Variants in GALNT9 observed in about 807,000 individuals in gnomAD.
GALNT9 encodes the protein GalNAc transferase 9.
Under a neutral mutation model 63.1 loss-of-function variants are expected in GALNT9, and 47 were observed. The ratio of observed to expected loss-of-function variants is 0.75; its 90% confidence interval spans 0.59 to 0.95. The LOEUF is 0.95. Ranked by LOEUF, GALNT9 falls within the 40% of genes least tolerant of loss-of-function variation. The probability of loss-of-function intolerance (pLI) is 0.00; values close to 1 mark genes in which losing one functional copy is unlikely to be tolerated. For missense variants in GALNT9, 829 were observed against 874.8 expected (o/e 0.95, Z 0.66); for synonymous variants, 396 against 365.7 (o/e 1.08, Z -0.94).
At chr12:132,203,352 GCA>G (rs1055057236) in intron 7 of GALNT9, among the ~76,000 whole-genome samples, 151 bp downstream of exon 7, 10 of 151,568 alleles carry the variant, frequency 6.6e-5, no homozygotes, top group Non-Finnish European at 7.4e-5. Flanking sequence ...ACTCACACCT[GCA>G]CACACAACTG....
In GALNT9 at chr12:132,316,789, A is replaced by G. The variant is rs1314905554; in HGVS notation, c.238+12177T>C. Among the ~76,000 whole-genome samples the G allele has an allele frequency of 1.3e-5, 2 of 152,042 alleles. No individual in the cohort carries two copies. The highest frequency in any genetic ancestry group is 2.9e-5 in the Non-Finnish European group (2 of 67,976). On this transcript the variant is annotated intron_variant, in intron 1 of 10. Coordinates refer to ENST00000328957, the MANE Select transcript of GALNT9 (RefSeq NM_001122636.2). This position sits in a 1 kb window ranked among gnomAD's most constrained non-coding sequence, Gnocchi z 4.3. ...GCTCACATGGGGTACTCGGACCCAT[A>G]GGGACATTTGGTGAGACCTGGGCAG...
intron 6 of GALNT9, among the ~76,000 whole-genome samples, chr12:132,226,549 AC>A (rs1877696256): frequency 7.0e-6 from 1 of 143,540 alleles, no homozygotes; most frequent in African/African-American, 2.6e-5. Flanking sequence ...CACAACCCAC[AC>A]CCCACTGTAT....
At chr12:132,263,918 G>C (rs1391266436) in intron 2 of GALNT9, among the ~76,000 whole-genome samples, 1 of 152,168 alleles carries the variant, frequency 6.6e-6, no homozygotes, top group Non-Finnish European at 1.5e-5. Context: ...GAGGCGTCTC[G>C]GGCCTGGCTG....
At chr12:132,290,423 G>A (rs1362753197) in intron 1 of GALNT9, among the ~76,000 whole-genome samples, 6 of 152,138 alleles carry the variant, frequency 3.9e-5, no homozygotes, top group South Asian at 2.1e-4. Context: ...TGATGGGCAC[G>A]GAGCCATTGC....
chr12:132,210,601 C>A (rs111627909), intron 6 of GALNT9, among the ~76,000 whole-genome samples: 1 of 152,086 alleles, frequency 6.6e-6, no homozygotes, highest in Admixed American at 6.5e-5. Context: ...GGTTAACTGG[C>A]GGTGAGACAC....
At chr12:132,219,898 C>T (rs1168248878) in intron 6 of GALNT9, among the ~76,000 whole-genome samples, 1 of 151,114 alleles carries the variant, frequency 6.6e-6, no homozygotes, top group Non-Finnish European at 1.5e-5. Context: ...GGGTGACACC[C>T]GCCTGGGTAA....
At chr12:132,240,089 G>C (rs1878186231) in intron 6 of GALNT9, among the ~76,000 whole-genome samples, 1 of 152,166 alleles carries the variant, frequency 6.6e-6, no homozygotes, top group African/African-American at 2.4e-5. Context: ...CTCCCCTTGG[G>C]GCCTATCAGG....
At chr12:132,283,987 A>G (rs1593103710) in intron 2 of GALNT9, 1 of 151,342 alleles carries the variant, frequency 6.6e-6, no homozygotes, top group East Asian at 1.9e-4. Flanking sequence ...AACGGTGCTC[A>G]CTCCAGCAGT....
rs1869066020 is a variant in GALNT9 at position 132,327,047 on chromosome 12, C to T, written c.238+1919G>A. On this transcript the variant is annotated intron_variant, in intron 1 of 10. Coordinates refer to ENST00000328957, the MANE Select transcript of GALNT9 (RefSeq NM_001122636.2). This position sits in a 1 kb window ranked among gnomAD's most constrained non-coding sequence, Gnocchi z 4.3. ...GCTGGTCACAGAGAGGAACGCAGCA[C>T]AGCCTCATCACAGAGGGGGACGAAA... is the stretch of plus-strand genomic sequence containing the variant. Among the ~76,000 whole-genome samples, 1 of 152,144 alleles carries T rather than the reference C, an allele frequency of 6.6e-6. No homozygotes were observed. Among genetic ancestry groups the T allele is most frequent in the African/African-American group, 2.4e-5 (1 of 41,426 alleles).
In GALNT9 at chr12:132,197,119, G is replaced by T. The variant is rs111344752; in HGVS notation, c.1800C>A (p.His600Gln). 6.2e-7 allele frequency: 1 copy of T among 1,614,138 alleles called. No homozygotes were observed. The highest frequency in any genetic ancestry group is 8.5e-7 in the Non-Finnish European group (1 of 1,180,018). Reference protein sequence around the residue: ...QKWMIRNWIKHARH With the variant: ...QKWMIRNWIKQARH ...GGCGGAGGTGGGGTCAGTGCCGTGC[G>T]TGTTTGATCCAGTTTCTGATCATCC... Residue 600 changes from histidine to glutamine, a missense_variant, in exon 11 of 11, where the codon CAC (histidine) becomes CAA (glutamine). Physicochemically the swap from His to Gln is conservative, Grantham distance 24. Transcript: ENST00000328957.
At chr12:132,219,698 G>A (rs576470851) in intron 6 of GALNT9, among the ~76,000 whole-genome samples, 25 of 145,636 alleles carry the variant, frequency 1.7e-4, no homozygotes, top group South Asian at 6.7e-4. Context: ...ACACCCGCCC[G>A]GGTAAGGGGA....
At chr12:132,222,841 C>A (rs1241121359) in intron 6 of GALNT9, among the ~76,000 whole-genome samples, 1 of 149,850 alleles carries the variant, frequency 6.7e-6, no homozygotes, top group Non-Finnish European at 1.5e-5. Context: ...CCTACACAAC[C>A]CGCACACCAC....
At chr12:132,251,925 G>T (rs1022010378) in intron 5 of GALNT9, among the ~76,000 whole-genome samples, 1 of 152,040 alleles carries the variant, frequency 6.6e-6, no homozygotes, top group South Asian at 2.1e-4. Context: ...CAGCAGCCCC[G>T]ATGAGAGCCA....
intron 1 of GALNT9, among the ~76,000 whole-genome samples, chr12:132,288,712 C>G (rs112259496): frequency 0.054 from 5,559 of 102,944 alleles, 343 homozygotes; most frequent in African/African-American, 0.18. Context: ...GGCTGAGCGT[C>G]GTTCTGGACG....
intron 6 of GALNT9, among the ~76,000 whole-genome samples, chr12:132,211,030 G>A (rs28720906): frequency 0.035 from 5,364 of 152,126 alleles, 298 homozygotes; most frequent in African/African-American, 0.12. Context: ...GCCTGCCGCC[G>A]GCCTCAGTCC....
intron 2 of GALNT9, among the ~76,000 whole-genome samples, chr12:132,266,247 C>A (rs2135547569): frequency 6.6e-6 from 1 of 152,380 alleles, no homozygotes; most frequent in East Asian, 1.9e-4. Flanking sequence ...CATGAATGTG[C>A]ATGCACAGCT....
At chr12:132,253,391 C>T (rs1200585177) in intron 5 of GALNT9, among the ~76,000 whole-genome samples, 2 of 151,862 alleles carry the variant, frequency 1.3e-5, no homozygotes, top group Non-Finnish European at 2.9e-5. Flanking sequence ...CAGACACTGG[C>T]GTTACCGCTT....
intron 7 of GALNT9, among the ~76,000 whole-genome samples, chr12:132,202,119 G>T (rs918692602): frequency 6.6e-6 from 1 of 152,226 alleles, no homozygotes; most frequent in Non-Finnish European, 1.5e-5. Flanking sequence ...AAGTGGGGAC[G>T]ATCACGCCAG....
At chr12:132,243,750 C>T (rs1027651654) in intron 6 of GALNT9, among the ~76,000 whole-genome samples, 2 of 152,172 alleles carry the variant, frequency 1.3e-5, no homozygotes, top group Admixed American at 6.5e-5. Flanking sequence ...CATGCCACCA[C>T]GCACCGGCTG....
Sources: allele counts gnomAD v4.1 joint callset (sites outside exome capture counted in the v4.1 genomes callset), GRCh38; gene constraint gnomAD v4.1.1; non-coding constraint Gnocchi (gnomAD v3.1); transcripts MANE v1.5; gene names NCBI Gene and HGNC (gene_info 2026-07-23, HGNC 2026-07-21).